INPP5F: variants seen among roughly 807,000 people sequenced by gnomAD.
The protein encoded by INPP5F is phosphatidylinositide 4-phosphatase SAC2.
Under a neutral mutation model 137.2 loss-of-function variants are expected in INPP5F, and 97 were observed. The ratio of observed to expected loss-of-function variants is 0.71; its 90% CI spans 0.60 to 0.84. The LOEUF is 0.84. Among genes scored for constraint, INPP5F ranks in the 40% least tolerant of loss-of-function variants. The probability of loss-of-function intolerance (pLI) is 0.00; values close to 1 mark genes in which losing one functional copy is unlikely to be tolerated. For synonymous variants in INPP5F, 504 were observed against 476.9 expected (o/e 1.06, Z -0.74); for missense variants, 1,271 against 1,371.9 (o/e 0.93, Z 1.16).
chr10:119,746,007 C>T, intron 1 of INPP5F, among the ~76,000 whole-genome samples: 1 of 152,082 alleles, frequency 6.6e-6, no homozygotes. Flanking sequence ...CGACCAGGCT[C>T]ATTACTGTTT....
chr10:119,731,391 T>G (rs1848060853), intron 1 of INPP5F, among the ~76,000 whole-genome samples: 1 of 152,064 alleles, frequency 6.6e-6, no homozygotes. Context: ...TAGCTAGGCA[T>G]GGTGGCTCGC....
rs1564830905 is a variant in INPP5F at position 119,788,951 on chromosome 10, C to T, written c.316-2566C>T. 5.3e-5 allele frequency among the ~76,000 whole-genome samples: 8 copies of T among 152,106 alleles called. No homozygotes were observed. In the South Asian group the frequency reaches 1.5e-3, roughly 28 times the overall value. On this transcript the variant is annotated intron_variant, in intron 3 of 19. Transcript: ENST00000650623. ...TTAAAGAATGATTTTGTTGGCCGGG[C>T]GCAGTGGCTCACGCCTATAATCCCA... is the stretch of plus-strand genomic sequence containing the variant.
chr10:119,820,830 T>G lies in INPP5F; in HGVS notation c.1887-16T>G. ...GGAAATGAAAATACTTAATCTCCTG[T>G]GTCATATTTGTTTAGCCTCATTGAT... On this transcript the variant is annotated splice_polypyrimidine_tract_variant and intron_variant, in intron 15 of 19. Coordinates refer to ENST00000650623, the MANE Select transcript of INPP5F (RefSeq NM_014937.4). The G allele has an allele frequency of 6.3e-7, 1 of 1,579,246 alleles. No homozygotes were observed. The highest frequency in any genetic ancestry group is 8.7e-7 in the Non-Finnish European group (1 of 1,148,224).
At chr10:119,794,745 GC>G in intron 6 of INPP5F, among the ~76,000 whole-genome samples, 1 of 136,072 alleles carries the variant, frequency 7.3e-6, no homozygotes, top group Non-Finnish European at 1.6e-5. Context: ...AGGTGGGGGG[GC>G]TGACCCCCCC....
intron 17 of INPP5F, 122 bp downstream of exon 17, chr10:119,822,626 A>G: frequency 3.6e-6 from 2 of 557,224 alleles, no homozygotes. Flanking sequence ...CTTCACTATT[A>G]TTTTCCATTT....
At chr10:119,795,160 G>A (rs1471678531) in intron 6 of INPP5F, among the ~76,000 whole-genome samples, 4 of 149,308 alleles carry the variant, frequency 2.7e-5, no homozygotes, top group Admixed American at 2.6e-4. Flanking sequence ...CAGACGGGGC[G>A]GCTGGCCGGG....
At chr10:119,819,388 G>A in intron 15 of INPP5F, 1 of 1,393,858 alleles carries the variant, frequency 7.2e-7, no homozygotes, top group Non-Finnish European at 9.4e-7. Context: ...GTTTTTGACT[G>A]GGGATCATGT....
rs547921579 is a variant in INPP5F at position 119,726,377 on chromosome 10, G to T, written c.97+18G>T. On this transcript the variant is annotated intron_variant, in intron 1 of 19. Coordinates refer to ENST00000650623, the MANE Select transcript of INPP5F (RefSeq NM_014937.4). The stretch of plus-strand genomic sequence containing the variant: ...CCGACCCGGTGAGGCTGGCGGTGCG[G>T]GCGGGGGGCACCCCGGGCCAGGGCG... 2.4e-3 allele frequency: 3,149 copies of T among 1,298,206 alleles called. 74 individuals carry two copies. The African/African-American group carries it at 0.044, about 18-fold the overall frequency. 80.4% of individuals were successfully genotyped at this position (1,298,206 alleles called of 1,614,324 possible).
chr10:119,750,105 T>G (rs1848649724), intron 1 of INPP5F, among the ~76,000 whole-genome samples: 2 of 152,210 alleles, frequency 1.3e-5, no homozygotes, highest in African/African-American at 4.8e-5. Flanking sequence ...CCATTGAATG[T>G]ATCATAACAA....
At chr10:119,815,573 TA>T (rs1018624509) in intron 15 of INPP5F, 21 of 234,472 alleles carry the variant, frequency 9.0e-5, no homozygotes, top group Admixed American at 6.9e-4. Context: ...CTCTGATGTG[TA>T]AACCAGTGTC....
In INPP5F at chr10:119,797,597, C is replaced by T. The variant is rs1230097985; in HGVS notation, c.1005C>T (p.Ser335=). Residue 335 remains serine (S), a synonymous_variant, in exon 8 of 20, where the codon AGC becomes AGT. Coordinates refer to ENST00000650623, the MANE Select transcript of INPP5F (RefSeq NM_014937.4). ...GAGGCTCTGTGCCTGTCTTTTGGAG[C>T]CAGGTTGGGTATCGATATAACCCAA... ...QTRGSVPVFW[S]QVGYRYNPRP... is the part of the protein sequence containing the mutation. The T allele has an allele frequency of 7.4e-6, 12 of 1,613,072 alleles. No homozygotes were observed. The highest frequency in any genetic ancestry group is 9.3e-6 in the Non-Finnish European group (11 of 1,179,554).
At chr10:119,751,839 C>A (rs1326890065) in intron 2 of INPP5F, among the ~76,000 whole-genome samples, 1 of 152,230 alleles carries the variant, frequency 6.6e-6, no homozygotes, top group Non-Finnish European at 1.5e-5. Flanking sequence ...CTACGTTGCC[C>A]AGACTGGTCT....
intron 3 of INPP5F, 32 bp downstream of exon 3, chr10:119,781,803 C>T (rs1258219195): frequency 1.3e-6 from 2 of 1,539,534 alleles, no homozygotes; most frequent in Non-Finnish European, 1.8e-6. Context: ...TATATGGAAA[C>T]CTGATATAAA....
At chr10:119,800,502 GTAAGCCAAGGT>G (rs1230624730) in intron 9 of INPP5F, among the ~76,000 whole-genome samples, 1 of 150,876 alleles carries the variant, frequency 6.6e-6, no homozygotes. Context: ...AGAGGTTGCA[GTAAGCCAAGGT>G]TGCGCCACTG....
Position 119,819,486 on chromosome 10 carries a change from G to A in INPP5F, c.1887-1360G>A, listed in dbSNP as rs78971747. 7.6e-4 allele frequency: 1,222 copies of A among 1,602,368 alleles called. 30 individuals are homozygous for A. The East Asian group carries it at 0.026, about 34-fold the overall frequency. On this transcript the variant is annotated intron_variant, in intron 15 of 19. Coordinates refer to ENST00000650623, the MANE Select transcript of INPP5F (RefSeq NM_014937.4). ...AGTAGAATTTATTTCATATTAAAAT[G>A]TGTCATGACGTAATTTTTATGGCTT...
chr10:119,807,872 C>T, intron 12 of INPP5F, 60 bp from the exon 13 acceptor site: 2 of 1,488,380 alleles, frequency 1.3e-6, no homozygotes, highest in Non-Finnish European at 9.0e-7. Context: ...CTGCAGTACA[C>T]ATTTTTTGCT....
chr10:119,757,223 C>T (rs1022457254), intron 2 of INPP5F, among the ~76,000 whole-genome samples: 8 of 151,850 alleles, frequency 5.3e-5, no homozygotes, highest in East Asian at 3.9e-4. Flanking sequence ...TACAGGCATG[C>T]GTCACCATGC....
At chr10:119,794,945 A>G (rs1214772665) in intron 6 of INPP5F, among the ~76,000 whole-genome samples, 1 of 118,306 alleles carries the variant, frequency 8.5e-6, no homozygotes, top group Non-Finnish European at 1.8e-5. Context: ...GGCCGGGCAG[A>G]GGGGCTCCTC....
intron 9 of INPP5F, among the ~76,000 whole-genome samples, chr10:119,798,946 G>A (rs971624354): frequency 6.6e-6 from 1 of 151,948 alleles, no homozygotes; most frequent in Non-Finnish European, 1.5e-5. Context: ...AGCTACTTTA[G>A]ACTGTGTTTG....
Sources: allele counts gnomAD v4.1 joint callset (sites outside exome capture counted in the v4.1 genomes callset), GRCh38; gene constraint gnomAD v4.1.1; transcripts MANE v1.5; gene names NCBI Gene and HGNC (gene_info 2026-07-23, HGNC 2026-07-21).